ERC2: variants seen among roughly 807,000 people sequenced by gnomAD.
The protein encoded by ERC2 is ELKS/RAB6-interacting/CAST family member 2, also known as ERC protein 2.
ERC2 carries 42 observed loss-of-function variants against 114.8 expected under a neutral mutation model. The observed-to-expected ratio is 0.37, with a 90% CI of 0.29 to 0.47. The LOEUF is 0.47. Among genes scored for constraint, ERC2 ranks in the 20% least tolerant of loss-of-function variants. The probability of loss-of-function intolerance (pLI) is 0.99; values close to 1 mark genes in which losing one functional copy is unlikely to be tolerated. For missense variants in ERC2, 939 were observed against 1,150.7 expected (o/e 0.82, Z 2.66); for synonymous variants, 454 against 425.5 (o/e 1.07, Z -0.82).
In ERC2 at chr3:55,770,214, CCA is replaced by C. The variant is rs561538767; in HGVS notation, c.2565-35298_2565-35297del. 1.3e-4 allele frequency among the ~76,000 whole-genome samples: 20 copies of C among 152,246 alleles called. No individual in the cohort carries two copies. In the East Asian group the frequency reaches 3.9e-3, roughly 29 times the overall value. On this transcript the variant is annotated intron_variant, in intron 14 of 17. Coordinates refer to ENST00000288221, the MANE Select transcript of ERC2 (RefSeq NM_015576.3). ...GACATGTAGAGCACAAGCACAGACC[CCA>C]GTGACCCATGGCTGACATGCAACCA...
chr3:55,819,438 A>G (rs1256194919), intron 14 of ERC2, among the ~76,000 whole-genome samples: 4 of 152,220 alleles, frequency 2.6e-5, no homozygotes, highest in Admixed American at 2.6e-4. Flanking sequence ...AAACTCCTCT[A>G]TAAATAACTT....
chr3:55,570,534 G>A (rs1347129463), intron 17 of ERC2, among the ~76,000 whole-genome samples: 1 of 152,146 alleles, frequency 6.6e-6, no homozygotes, highest in Non-Finnish European at 1.5e-5. Flanking sequence ...GCAGCCGGAT[G>A]ATGCATGGGG....
intron 15 of ERC2, 61 bp downstream of exon 15, chr3:55,734,710 C>T: frequency 6.5e-7 from 1 of 1,548,450 alleles, no homozygotes; most frequent in South Asian, 1.3e-5. Context: ...GGCTAAAATC[C>T]AGAGAAAGCC....
intron 2 of ERC2, among the ~76,000 whole-genome samples, chr3:56,316,902 T>C (rs2056891090): frequency 6.6e-6 from 1 of 152,234 alleles, no homozygotes; most frequent in Admixed American, 6.5e-5. Flanking sequence ...CAGAGAGGTA[T>C]AGTATATAAG....
At chr3:56,406,607 C>A (rs1174465003) in intron 2 of ERC2, among the ~76,000 whole-genome samples, 1 of 152,136 alleles carries the variant, frequency 6.6e-6, no homozygotes, top group African/African-American at 2.4e-5. Context: ...GAACAAGGGC[C>A]CTGTATTTTC....
At chr3:55,585,246 T>C (rs548715935) in intron 17 of ERC2, among the ~76,000 whole-genome samples, 2 of 152,310 alleles carry the variant, frequency 1.3e-5, no homozygotes, top group African/African-American at 4.8e-5. Context: ...CTTTGCAAGA[T>C]GGGTTAACAG....
intron 17 of ERC2, among the ~76,000 whole-genome samples, chr3:55,583,887 A>AG (rs2057451535): frequency 4.0e-5 from 1 of 25,090 alleles, no homozygotes; most frequent in Non-Finnish European, 2.0e-4. Flanking sequence ...CCAACTTGCT[A>AG]GCCCCCCTCC....
chr3:55,839,712 C>T (rs2061048268), intron 14 of ERC2, among the ~76,000 whole-genome samples: 1 of 151,382 alleles, frequency 6.6e-6, no homozygotes, highest in African/African-American at 2.4e-5. Context: ...AATAAATTGC[C>T]AAGATAAAGG....
At chr3:55,829,490 G>T (rs983623462) in intron 14 of ERC2, among the ~76,000 whole-genome samples, 3 of 152,062 alleles carry the variant, frequency 2.0e-5, no homozygotes, top group Admixed American at 6.6e-5. Flanking sequence ...AACATAAATA[G>T]AGCCTCAGAA....
chr3:55,511,399 G>C lies in ERC2; in HGVS notation c.*40-123C>G, dbSNP rs2052054510. On this transcript the variant is annotated intron_variant, in intron 17 of 17. Coordinates refer to ENST00000288221, the MANE Select transcript of ERC2 (RefSeq NM_015576.3). ...AGCCTCTCCACCACTCTCAATGGTTGGGGTTGGGTGGGAGTGGGGAGGGGG... is the reference window on the plus strand; with the variant it reads ...AGCCTCTCCACCACTCTCAATGGTTCGGGTTGGGTGGGAGTGGGGAGGGGG... The C allele has an allele frequency of 2.0e-5, 3 of 152,646 alleles. No homozygotes were observed. In the South Asian group the frequency reaches 6.2e-4, roughly 32 times the overall value. The allele number at this position is 152,646 out of a possible 1,614,324, so 9.5% of individuals were successfully genotyped here.
intron 6 of ERC2, among the ~76,000 whole-genome samples, chr3:56,082,974 C>T (rs112233597): frequency 9.6e-4 from 146 of 152,294 alleles, no homozygotes; most frequent in African/African-American, 3.4e-3. Context: ...CCTAAACCAT[C>T]CCCCACACCC....
chr3:55,808,704 TATATATATA>T (rs1559689132), intron 14 of ERC2, among the ~76,000 whole-genome samples: 2 of 20,928 alleles, frequency 9.6e-5, no homozygotes, highest in African/African-American at 2.1e-4. Context: ...CATAATTTTA[TATATATATA>T]TATATATATA....
At chr3:56,032,933 AAG>A (rs1172157920) in intron 7 of ERC2, among the ~76,000 whole-genome samples, 53 of 98,676 alleles carry the variant, frequency 5.4e-4, no homozygotes, top group East Asian at 3.0e-3. Flanking sequence ...GAAAGAAAGA[AAG>A]AAAGAAAGAA....
intron 14 of ERC2, among the ~76,000 whole-genome samples, chr3:55,789,725 A>G (rs1050404402): frequency 2.6e-5 from 4 of 152,208 alleles, no homozygotes; most frequent in Non-Finnish European, 4.4e-5. Flanking sequence ...CTACAGAAAG[A>G]AACAGAAACT....
intron 17 of ERC2, among the ~76,000 whole-genome samples, chr3:55,555,387 G>A (rs1412706461): frequency 6.6e-6 from 1 of 152,214 alleles, no homozygotes; most frequent in Non-Finnish European, 1.5e-5. Context: ...TCCTGAGCAA[G>A]ACCTGGGTGA....
intron 17 of ERC2, among the ~76,000 whole-genome samples, chr3:55,617,718 A>G (rs2148587349): frequency 6.6e-6 from 1 of 152,316 alleles, no homozygotes; most frequent in East Asian, 1.9e-4. Flanking sequence ...GAATTCACCA[A>G]TAAAAGGATA....
chr3:56,346,947 T>G (rs1405735028), intron 2 of ERC2, among the ~76,000 whole-genome samples: 1 of 152,182 alleles, frequency 6.6e-6, no homozygotes, highest in Non-Finnish European at 1.5e-5. Context: ...GGGAGGAGCC[T>G]GCATGACCTA....
chr3:56,365,494 C>T (rs531624547), intron 2 of ERC2, among the ~76,000 whole-genome samples: 4 of 152,318 alleles, frequency 2.6e-5, no homozygotes, highest in Non-Finnish European at 5.9e-5. Context: ...AGAATATATC[C>T]AGTCATTAAG....
chr3:56,379,355 A>C lies in ERC2; in HGVS notation c.657+54996T>G, dbSNP rs560652566. ...GCCAACCATATAGAGATGAAAAAAA[A>C]CCAAAATAACCTGGTGTAGCTTCTA... On this transcript the variant is annotated intron_variant, in intron 2 of 17. Transcript: ENST00000288221. Among the ~76,000 whole-genome samples the C allele has an allele frequency of 3.3e-5, 5 of 152,296 alleles. No individual in the cohort carries two copies. The South Asian group carries it at 1.0e-3, about 32-fold the overall frequency.
Sources: allele counts gnomAD v4.1 joint callset (sites outside exome capture counted in the v4.1 genomes callset), GRCh38; gene constraint gnomAD v4.1.1; transcripts MANE v1.5; gene names NCBI Gene and HGNC (gene_info 2026-07-23, HGNC 2026-07-21).